Variants in FHIT observed in about 807,000 individuals in gnomAD.
FHIT encodes bis(5'-adenosyl)-triphosphatase.
A neutral mutation model predicts 17.9 loss-of-function variants in FHIT; 19 were observed. That is an observed-to-expected ratio of 1.06 (90% CI 0.74 to 1.56). The LOEUF (loss-of-function observed/expected upper bound fraction) is 1.56, where lower values mean the gene tolerates loss of function less well. Among genes scored for constraint, FHIT ranks in the 40% most tolerant of loss-of-function variants. FHIT has a pLI of 0.00. For missense variants in FHIT, 248 were observed against 189.2 expected (o/e 1.31, Z -1.82); for synonymous variants, 81 against 69.7 (o/e 1.16, Z -0.81).
rs114766525 is a variant in FHIT at position 60,195,210 on chromosome 3, C to G, written c.104-181058G>C. On this transcript the variant is annotated intron_variant, in intron 5 of 9. Transcript: ENST00000492590. ...AACCAAAAAAAACCACAGTAAGACA[C>G]CATTTTACCCCCTCCAGAATGGTCA... Among the ~76,000 whole-genome samples the G allele has an allele frequency of 9.8e-3, 1,494 of 151,922 alleles. 28 individuals carry two copies. The highest frequency in any genetic ancestry group is 0.035 in the African/African-American group (1,440 of 41,446).
chr3:60,975,649 C>G (rs1037332749), intron 3 of FHIT, among the ~76,000 whole-genome samples: 1 of 152,144 alleles, frequency 6.6e-6, no homozygotes, highest in African/African-American at 2.4e-5. Context: ...TTCATCAAGG[C>G]AGGAGTTTTC....
At chr3:59,944,572 T>C (rs1253116001) in intron 7 of FHIT, among the ~76,000 whole-genome samples, 1 of 152,122 alleles carries the variant, frequency 6.6e-6, no homozygotes, top group African/African-American at 2.4e-5. Flanking sequence ...AAGTTTGTTA[T>C]ATAGGGAAAT....
intron 7 of FHIT, among the ~76,000 whole-genome samples, chr3:59,942,608 T>G (rs918223431): frequency 6.6e-6 from 1 of 152,182 alleles, no homozygotes; most frequent in African/African-American, 2.4e-5. Flanking sequence ...ACATGATTCA[T>G]CCCCTCTCCC....
At chr3:59,919,889 G>A (rs1223822111) in intron 8 of FHIT, among the ~76,000 whole-genome samples, 1 of 152,176 alleles carries the variant, frequency 6.6e-6, no homozygotes, top group Admixed American at 6.5e-5. Flanking sequence ...TTCCAATAAT[G>A]CCTGTGCGGT....
rs146301057 is a variant in FHIT, at chr3:60,491,803, C to G, written c.103+45057G>C. Among the ~76,000 whole-genome samples the G allele has an allele frequency of 3.7e-4, 57 of 152,176 alleles. No homozygotes were observed. The East Asian group carries it at 0.011, about 29-fold the overall frequency. On this transcript the variant is annotated intron_variant, in intron 5 of 9. Transcript: ENST00000492590. ...ATTTGGGGTAGGCCACCAATTTTGTCTTTATGTTGTTATTTATTTCCTTAA... is the reference window on the plus strand; with the variant it reads ...ATTTGGGGTAGGCCACCAATTTTGTGTTTATGTTGTTATTTATTTCCTTAA...
At chr3:60,878,379 G>A (rs577655138) in intron 3 of FHIT, among the ~76,000 whole-genome samples, 105 of 152,188 alleles carry the variant, frequency 6.9e-4, no homozygotes, top group African/African-American at 2.5e-3. Flanking sequence ...CCATGTAAGA[G>A]GGATCCTCTT....
Position 60,585,765 on chromosome 3 carries a change from C to T in FHIT, c.-17-48786G>A, listed in dbSNP as rs373213229. 5.1e-4 allele frequency among the ~76,000 whole-genome samples: 78 copies of T among 152,108 alleles called. 1 individual carries two copies. In the East Asian group the frequency reaches 0.012, roughly 23 times the overall value. ...AGGACAGAATCAATTACCTAGGACC[C>T]TTTCATTGTCAATGAAAATATATTT... is the stretch of plus-strand genomic sequence containing the variant. On this transcript the variant is annotated intron_variant, in intron 4 of 9. Transcript: ENST00000492590.
At chr3:60,382,941 G>A (rs1031284062) in intron 5 of FHIT, among the ~76,000 whole-genome samples, 1 of 152,028 alleles carries the variant, frequency 6.6e-6, no homozygotes, top group Non-Finnish European at 1.5e-5. Flanking sequence ...CAGACCTCTT[G>A]GTAATGTCAC....
In FHIT at chr3:60,615,881, G is replaced by C. The variant is rs72889614; in HGVS notation, c.-17-78902C>G. 5.3e-5 allele frequency among the ~76,000 whole-genome samples: 8 copies of C among 152,152 alleles called. 1 individual carries two copies. Among genetic ancestry groups the C allele is most frequent in the Non-Finnish European group, 2.9e-5 (2 of 68,014 alleles). ...CTCTTCCCTGGATGGTTCGAGTGAA[G>C]TTTACCAATAAGAATAGAGTGAGAT... On this transcript the variant is annotated intron_variant, in intron 4 of 9. Transcript: ENST00000492590.
At chr3:59,849,282 A>G (rs1701840772) in intron 8 of FHIT, among the ~76,000 whole-genome samples, 1 of 152,124 alleles carries the variant, frequency 6.6e-6, no homozygotes, top group Non-Finnish European at 1.5e-5. Context: ...CTGAGGCATG[A>G]GAATCACTTG....
intron 2 of FHIT, among the ~76,000 whole-genome samples, chr3:61,066,630 A>T (rs759977849): frequency 1.3e-5 from 2 of 152,158 alleles, no homozygotes; most frequent in Non-Finnish European, 2.9e-5. Flanking sequence ...AAACAAAAAC[A>T]AACAAACAAG....
chr3:61,134,250 G>A (rs12487188), intron 2 of FHIT, among the ~76,000 whole-genome samples: 107,488 of 151,940 alleles, frequency 0.71, 38,687 homozygotes, highest in African/African-American at 0.77. Context: ...GATTCAGGCA[G>A]TGTCTATTTC....
intron 8 of FHIT, among the ~76,000 whole-genome samples, chr3:59,830,833 C>T (rs1701139167): frequency 6.6e-6 from 1 of 152,174 alleles, no homozygotes; most frequent in Non-Finnish European, 1.5e-5. Flanking sequence ...AGCAGCCAAC[C>T]TGTCTAATTG....
chr3:61,205,886 C>A (rs1010860793), intron 1 of FHIT, among the ~76,000 whole-genome samples: 1 of 149,728 alleles, frequency 6.7e-6, no homozygotes, highest in African/African-American at 2.5e-5. Flanking sequence ...GACATGAAGT[C>A]CTTGCCCATG....
intron 5 of FHIT, among the ~76,000 whole-genome samples, chr3:60,281,866 A>C (rs1212010968): frequency 6.6e-6 from 1 of 152,180 alleles, no homozygotes; most frequent in Non-Finnish European, 1.5e-5. Flanking sequence ...TACAAAAAAT[A>C]CTGTTAAGAG....
At chr3:61,088,847 T>A (rs6774194) in intron 2 of FHIT, among the ~76,000 whole-genome samples, 82,391 of 151,836 alleles carry the variant, frequency 0.54, 23,137 homozygotes, top group Middle Eastern at 0.61. Context: ...AAAGACACCA[T>A]GAAAACTGCA....
chr3:60,632,282 C>G (rs553398850), intron 4 of FHIT, among the ~76,000 whole-genome samples: 1 of 152,114 alleles, frequency 6.6e-6, no homozygotes, highest in Admixed American at 6.5e-5. Flanking sequence ...GTTCTACTCA[C>G]TCAGTAACCA....
chr3:59,805,544 C>G (rs1700163246), intron 8 of FHIT, among the ~76,000 whole-genome samples: 1 of 152,168 alleles, frequency 6.6e-6, no homozygotes, highest in Admixed American at 6.5e-5. Context: ...GAACAAAACT[C>G]TGTGCTAAGT....
At chr3:60,539,923 T>G (rs2107604890) in intron 4 of FHIT, among the ~76,000 whole-genome samples, 1 of 151,190 alleles carries the variant, frequency 6.6e-6, no homozygotes, top group Admixed American at 6.6e-5. Flanking sequence ...ACATGTACCC[T>G]AGAACTTAAA....
Sources: gnomAD v4.1 joint callset for allele counts (sites outside exome capture counted in the v4.1 genomes callset) on GRCh38, gnomAD v4.1.1 for gene constraint, MANE v1.5 for transcripts, NCBI Gene and HGNC (gene_info 2026-07-23, HGNC 2026-07-21) for gene names.